The following TUB variants were observed in gnomAD, a reference collection of about 807,000 sequenced individuals.
TUB encodes tubby protein homolog.
A neutral mutation model predicts 59.7 loss-of-function variants in TUB; 33 were observed. The ratio of observed to expected loss-of-function variants is 0.55; its 90% CI spans 0.42 to 0.74. The LOEUF (loss-of-function observed/expected upper bound fraction) is 0.74, where lower values mean the gene tolerates loss of function less well. Ranked by LOEUF, TUB falls within the 30% of genes least tolerant of loss-of-function variation. The pLI is 0.00. For missense variants in TUB, 659 were observed against 672.0 expected (o/e 0.98, Z 0.21); for synonymous variants, 293 against 256.4 (o/e 1.14, Z -1.36).
intron 7 of TUB, 63 bp from the exon 8 acceptor site, chr11:8,097,651 C>A: frequency 6.9e-7 from 1 of 1,438,908 alleles, no homozygotes; most frequent in Non-Finnish European, 9.7e-7. Flanking sequence ...GTGTGAGTGG[C>A]TCTCATGACT....
chr11:8,085,403 C>T (rs1014803348), intron 1 of TUB, among the ~76,000 whole-genome samples: 1 of 152,220 alleles, frequency 6.6e-6, no homozygotes, highest in African/African-American at 2.4e-5. Context: ...ACGGCACATC[C>T]TGGGAGGCTG....
rs985052316 is a variant in TUB, at chr11:8,019,396, C to T, written c.56+38C>T. On this transcript the variant is annotated intron_variant, in intron 1 of 11. Coordinates refer to the TUB transcript ENST00000534099. Reference sequence around the variant, plus strand: ...AAGGGTGGCCCTGCGTGAGCGCCTGCTGACCCTCGATCTCCTGCGGGAGAA... The same window carrying T: ...AAGGGTGGCCCTGCGTGAGCGCCTGTTGACCCTCGATCTCCTGCGGGAGAA... The T allele has an allele frequency of 1.3e-5, 16 of 1,232,434 alleles. No individual in the cohort carries two copies. In the African/African-American group the frequency reaches 2.2e-4, roughly 17 times the overall value. The allele number at this position is 1,232,434 out of a possible 1,614,324, so 76.3% of individuals were successfully genotyped here.
At chr11:8,024,097 G>A (rs919556033) in intron 1 of TUB, among the ~76,000 whole-genome samples, 4 of 152,298 alleles carry the variant, frequency 2.6e-5, no homozygotes, top group Non-Finnish European at 4.4e-5. Context: ...GCCATAACAC[G>A]AAGGTGTCTG....
At chr11:8,075,274 T>G (rs1338693176) in intron 2 of TUB, among the ~76,000 whole-genome samples, 1 of 152,222 alleles carries the variant, frequency 6.6e-6, no homozygotes, top group African/African-American at 2.4e-5. Context: ...AATTAATGAG[T>G]CAAAGGGCTA....
intron 2 of TUB, among the ~76,000 whole-genome samples, chr11:8,066,484 G>A (rs952268116): frequency 2.6e-5 from 4 of 152,202 alleles, no homozygotes; most frequent in African/African-American, 9.6e-5. Context: ...CTGTGCACAG[G>A]GGACTAAGTG....
At chr11:8,094,318 C>T in intron 4 of TUB, 129 bp downstream of exon 4, 2 of 1,232,132 alleles carry the variant, frequency 1.6e-6, no homozygotes, top group East Asian at 2.6e-5. Flanking sequence ...CAGACTGCCA[C>T]TCTGGGCACC....
chr11:8,076,733 C>T (rs1273709886), upstream of TUB: 3 of 152,238 alleles, frequency 2.0e-5, no homozygotes, highest in South Asian at 4.1e-4. Context: ...ACCTCATAAC[C>T]ATTCGATCTG....
At chr11:8,060,896 G>C (rs935585371) in intron 2 of TUB, among the ~76,000 whole-genome samples, 3 of 152,216 alleles carry the variant, frequency 2.0e-5, no homozygotes, top group Non-Finnish European at 2.9e-5. Context: ...TGAACTCCCT[G>C]CCTGCCACCC....
chr11:8,029,288 G>A (rs553860516), intron 1 of TUB, among the ~76,000 whole-genome samples: 98 of 151,972 alleles, frequency 6.4e-4, no homozygotes, highest in African/African-American at 1.9e-3. Flanking sequence ...GTAGCCTTTC[G>A]TACTAAGCTG....
intron 2 of TUB, among the ~76,000 whole-genome samples, chr11:8,066,640 T>G (rs1419272852): frequency 6.6e-6 from 1 of 152,192 alleles, no homozygotes; most frequent in African/African-American, 2.4e-5. Context: ...TTCAGGGTTC[T>G]GAATCCCAAT....
chr11:8,072,256 C>T (rs1171380816), intron 2 of TUB, among the ~76,000 whole-genome samples: 1 of 152,176 alleles, frequency 6.6e-6, no homozygotes, highest in African/African-American at 2.4e-5. Context: ...CTTCACGCGT[C>T]GCCTCCTCCA....
chr11:8,069,913 T>C (rs1589948644), intron 2 of TUB, among the ~76,000 whole-genome samples: 1 of 152,210 alleles, frequency 6.6e-6, no homozygotes, highest in Admixed American at 6.5e-5. Context: ...ATGCCCTGAC[T>C]ACCCCAAACT....
rs368811787 is a variant in TUB at position 8,038,786 on chromosome 11, G to A, written c.-88G>A. ...CAAGTGCTGGTTTCAGTACTGAGGC[G>A]AATACAGGGAATTTCAACAGGCTCC... On this transcript the variant is annotated 5_prime_UTR_variant, in exon 1 of 13. Coordinates refer to the TUB transcript ENST00000305253. 86 of 1,544,224 alleles carry A rather than the reference G, an allele frequency of 5.6e-5. No individual in the cohort carries two copies. The East Asian group carries it at 7.7e-4, about 14-fold the overall frequency.
At chr11:8,049,592 T>G (rs1326628798) in intron 2 of TUB, among the ~76,000 whole-genome samples, 19 of 144,878 alleles carry the variant, frequency 1.3e-4, no homozygotes, top group African/African-American at 5.2e-4. Context: ...GATAGATAGA[T>G]AGATAGATAG....
chr11:8,026,063 T>C (rs1942496243), intron 1 of TUB, among the ~76,000 whole-genome samples: 1 of 152,252 alleles, frequency 6.6e-6, no homozygotes, highest in Non-Finnish European at 1.5e-5. Flanking sequence ...TGATGACTAA[T>C]GATGTCGAGC....
intron 1 of TUB, among the ~76,000 whole-genome samples, chr11:8,027,211 T>A (rs1942511973): frequency 6.6e-6 from 1 of 152,202 alleles, no homozygotes; most frequent in Non-Finnish European, 1.5e-5. Context: ...CCACTATCTA[T>A]TTTCAGAGCC....
rs761299487 is a variant in TUB, at chr11:8,101,015, T to A, written c.1387+18T>A. ...CAATGACCGTGAGTGTTTCTGTCCC[T>A]ACTCATTATGGTCCGTAGGATACCC... On this transcript the variant is annotated intron_variant, in intron 11 of 11. Coordinates refer to ENST00000299506, the MANE Select transcript of TUB (RefSeq NM_177972.3). 6.2e-7 allele frequency: 1 copy of A among 1,613,968 alleles called. No homozygotes were observed. Among genetic ancestry groups the A allele is most frequent in the Non-Finnish European group, 8.5e-7 (1 of 1,179,930 alleles).
At chr11:8,032,644 C>G (rs1409313863) in intron 1 of TUB, among the ~76,000 whole-genome samples, 1 of 151,660 alleles carries the variant, frequency 6.6e-6, no homozygotes, top group Admixed American at 6.6e-5. Context: ...CTTCCTCTCC[C>G]TCACACCTGG....
At chr11:8,036,219 A>C (rs1445593864), upstream of TUB, among the ~76,000 whole-genome samples, 1 of 151,950 alleles carries the variant, frequency 6.6e-6, no homozygotes, top group Non-Finnish European at 1.5e-5. Flanking sequence ...TGAGGGTCTC[A>C]GGGGACATGT....
Sources: allele counts gnomAD v4.1 joint callset (sites outside exome capture counted in the v4.1 genomes callset), GRCh38; gene constraint gnomAD v4.1.1; transcripts MANE v1.5; gene names NCBI Gene and HGNC (gene_info 2026-07-23, HGNC 2026-07-21).